PCDHGB6: variants seen among roughly 807,000 people sequenced by gnomAD.
PCDHGB6 encodes protocadherin gamma-B6.
Under a neutral mutation model 59.1 loss-of-function variants are expected in PCDHGB6, and 51 were observed. The ratio of observed to expected loss-of-function variants is 0.86; its 90% CI spans 0.69 to 1.09. The LOEUF (loss-of-function observed/expected upper bound fraction) is 1.09, where lower values mean the gene tolerates loss of function less well. PCDHGB6 is among the 50% of genes least tolerant of loss of function. The probability of loss-of-function intolerance (pLI) is 0.00; values close to 1 mark genes in which losing one functional copy is unlikely to be tolerated. For missense variants in PCDHGB6, 1,148 were observed against 1,205.1 expected, an observed-to-expected ratio of 0.95 and a Z score of 0.70; for synonymous variants, 466 against 495.1, an observed-to-expected ratio of 0.94 and a Z score of 0.78.
rs1272694679 is a variant in PCDHGB6, at chr5:141,486,884, C to T, written c.2419-7923C>T. 7 of 1,614,106 alleles carry T rather than the reference C, an allele frequency of 4.3e-6. No individual in the cohort carries two copies. The highest frequency in any genetic ancestry group is 1.1e-5 in the South Asian group (1 of 91,082). ...TCCAGCTGTGCTCCGTCCTCGGGCC[C>T]GGCCTGGTTCCTTATGTCCCCAAGC... On this transcript the variant is annotated intron_variant, in intron 1 of 3. Coordinates refer to ENST00000520790, the MANE Select transcript of PCDHGB6 (RefSeq NM_018926.3). The surrounding 1 kb of genome is among the most constrained non-coding windows in gnomAD (Gnocchi z 5.0).
Position 141,410,110 on chromosome 5 carries a change from C to T in PCDHGB6, c.1908C>T (p.Asp636=). Residue 636 remains aspartate (D), a synonymous_variant, in exon 1 of 4, where the codon GAC becomes GAT. Transcript: ENST00000520790. ...VRTARALGDR[D]AARQRLLVAV... Reference sequence around the variant, plus strand: ...CGGCTCGAGCCTTAGGCGACAGGGACGCAGCCCGCCAGCGCCTGCTGGTCG... The same window carrying T: ...CGGCTCGAGCCTTAGGCGACAGGGATGCAGCCCGCCAGCGCCTGCTGGTCG... The T allele has an allele frequency of 2.5e-6, 4 of 1,612,540 alleles. No homozygotes were observed. Among genetic ancestry groups the T allele is most frequent in the Non-Finnish European group, 3.4e-6 (4 of 1,179,620 alleles).
chr5:141,498,994 AAGG>A (rs1310594976), intron 2 of PCDHGB6, among the ~76,000 whole-genome samples: 4 of 148,560 alleles, frequency 2.7e-5, no homozygotes, highest in Non-Finnish European at 4.5e-5. Flanking sequence ...GGAAGGAAGG[AAGG>A]AAGGAAGGAA....
At chr5:141,413,329 A>G (rs762420040) in intron 1 of PCDHGB6, 1 of 1,613,966 alleles carries the variant, frequency 6.2e-7, no homozygotes, top group Non-Finnish European at 8.5e-7. Context: ...CGTGGGCAAC[A>G]TCTCCAAGGA....
At position 141,493,157 on chromosome 5, in the gene PCDHGB6, T is replaced by C. The variant is rs1261889479; in HGVS notation, c.2419-1650T>C. ...TTGAAACACCCCCAGGTGATTTTGATAGCTGATTGAGAGAAACTTACTATA... is the reference window on the plus strand; with the variant it reads ...TTGAAACACCCCCAGGTGATTTTGACAGCTGATTGAGAGAAACTTACTATA... On this transcript the variant is annotated intron_variant, in intron 1 of 3. Coordinates refer to ENST00000520790, the MANE Select transcript of PCDHGB6 (RefSeq NM_018926.3). This position sits in a 1 kb window ranked among gnomAD's most constrained non-coding sequence, Gnocchi z 4.3. 2.0e-5 allele frequency among the ~76,000 whole-genome samples: 3 copies of C among 152,224 alleles called. No individual in the cohort carries two copies. Among genetic ancestry groups the C allele is most frequent in the Admixed American group, 6.5e-5 (1 of 15,286 alleles).
At chr5:141,428,613 C>T (rs1247239314) in intron 1 of PCDHGB6, 1 of 212,608 alleles carries the variant, frequency 4.7e-6, no homozygotes, top group African/African-American at 2.3e-5. Flanking sequence ...AAGAGAATAA[C>T]AAGATAAGCT....
At chr5:141,467,060 T>C (rs1304506319) in intron 1 of PCDHGB6, among the ~76,000 whole-genome samples, 1 of 151,520 alleles carries the variant, frequency 6.6e-6, no homozygotes, top group Non-Finnish European at 1.5e-5. Context: ...GTTTTCTTTT[T>C]TTTTTTTTTT....
At chr5:141,456,635 A>G (rs558958846) in intron 1 of PCDHGB6, among the ~76,000 whole-genome samples, 17 of 152,194 alleles carry the variant, frequency 1.1e-4, no homozygotes, top group Non-Finnish European at 2.2e-4. Context: ...CTTCTTTACT[A>G]CAGGTGTTAA....
chr5:141,408,052 C>T lies in PCDHGB6; in HGVS notation c.-151C>T. On this transcript the variant is annotated 5_prime_UTR_variant, in exon 1 of 4. Transcript: ENST00000520790. ...AAGAAAACCAGCTCCCACACAGAGCCTCCCGGCTGCGCAGACCTTTCCCAG... is the reference window on the plus strand; with the variant it reads ...AAGAAAACCAGCTCCCACACAGAGCTTCCCGGCTGCGCAGACCTTTCCCAG... The T allele has an allele frequency of 7.8e-7, 1 of 1,283,102 alleles. No individual in the cohort carries two copies. The highest frequency in any genetic ancestry group is 1.0e-6 in the Non-Finnish European group (1 of 961,372). 79.5% of individuals were successfully genotyped at this position (1,283,102 alleles called of 1,614,324 possible).
intron 1 of PCDHGB6, among the ~76,000 whole-genome samples, chr5:141,449,298 T>C (rs1197693931): frequency 6.6e-6 from 1 of 152,058 alleles, no homozygotes; most frequent in Non-Finnish European, 1.5e-5. Flanking sequence ...CCGGGTGAAT[T>C]ATATGTATTA....
chr5:141,418,707 G>T (rs2096282239), intron 1 of PCDHGB6: 1 of 1,614,016 alleles, frequency 6.2e-7, no homozygotes, highest in Non-Finnish European at 8.5e-7. Context: ...TCCTTCTTTG[G>T]TGTGGCTGAC....
At position 141,477,687 on chromosome 5, in the gene PCDHGB6, C is replaced by A. The variant is rs1206813120; in HGVS notation, c.2419-17120C>A. The A allele has an allele frequency of 5.6e-6, 9 of 1,614,022 alleles. No homozygotes were observed. The highest frequency in any genetic ancestry group is 7.6e-6 in the Non-Finnish European group (9 of 1,180,040). ...AATGGCATAGTGTCATCCTTAGTGC[C>A]CCTAGACTATGAGGATCGGCGGGAA... On this transcript the variant is annotated intron_variant, in intron 1 of 3. Coordinates refer to ENST00000520790, the MANE Select transcript of PCDHGB6 (RefSeq NM_018926.3). This position sits in a 1 kb window ranked among gnomAD's most constrained non-coding sequence, Gnocchi z 4.9.
chr5:141,422,928 C>T lies in PCDHGB6; in HGVS notation c.2418+12308C>T, dbSNP rs781145334. 4 of 1,614,128 alleles carry T rather than the reference C, an allele frequency of 2.5e-6. No individual in the cohort carries two copies. In the African/African-American group the frequency reaches 4.0e-5, roughly 16 times the overall value. On this transcript the variant is annotated intron_variant, in intron 1 of 3. Transcript: ENST00000520790. ...ATGCGCCCGAGATCCTGTACCCTGC[C>T]CTCCCCACAGACGGCTCCACTGGCG...
At position 141,477,938 on chromosome 5, in the gene PCDHGB6, T is replaced by C. The variant is rs1441443411; in HGVS notation, c.2419-16869T>C. The stretch of plus-strand genomic sequence containing the variant: ...TGCAGGGCACAATGCCTGGCTCTCC[T>C]ACAGTCTCTTGGGATCCCCTAACCA... On this transcript the variant is annotated intron_variant, in intron 1 of 3. Transcript: ENST00000520790. The surrounding 1 kb of genome is among the most constrained non-coding windows in gnomAD (Gnocchi z 4.9). The C allele has an allele frequency of 3.1e-6, 5 of 1,614,036 alleles. No homozygotes were observed. The highest frequency in any genetic ancestry group is 4.2e-6 in the Non-Finnish European group (5 of 1,180,030).
chr5:141,479,469 C>T lies in PCDHGB6; in HGVS notation c.2419-15338C>T, dbSNP rs1218436564. 8 of 152,344 alleles carry T rather than the reference C, an allele frequency of 5.3e-5. No homozygotes were observed. In the East Asian group the frequency reaches 1.5e-3, roughly 29 times the overall value. 9.4% of individuals were successfully genotyped at this position (152,344 alleles called of 1,614,324 possible). On this transcript the variant is annotated intron_variant, in intron 1 of 3. Transcript: ENST00000520790. ...AAGTTCAGCATGAATACAGTGACCT[C>T]TTGGGAGGGCAGGACCATCAGGTTG...
chr5:141,431,901 A>G lies in PCDHGB6; in HGVS notation c.2418+21281A>G, dbSNP rs1373642371. 5.0e-6 allele frequency: 8 copies of G among 1,613,872 alleles called. No homozygotes were observed. The highest frequency in any genetic ancestry group is 1.6e-4 in the Middle Eastern group (1 of 6,062). On this transcript the variant is annotated intron_variant, in intron 1 of 3. Coordinates refer to ENST00000520790, the MANE Select transcript of PCDHGB6 (RefSeq NM_018926.3). This position sits in a 1 kb window ranked among gnomAD's most constrained non-coding sequence, Gnocchi z 4.8. Reference sequence around the variant, plus strand: ...GACCAAGATTCTGAGGAAAACGGACAGGTGATCTGTTTCATCCAAGGAAAT... The same window carrying G: ...GACCAAGATTCTGAGGAAAACGGACGGGTGATCTGTTTCATCCAAGGAAAT...
intron 1 of PCDHGB6, chr5:141,415,098 G>T (rs578221269): frequency 1.9e-5 from 31 of 1,613,588 alleles, no homozygotes; most frequent in African/African-American, 1.7e-4. Flanking sequence ...ACAGAGACGC[G>T]CTCAAGCAAA....
chr5:141,421,593 G>A lies in PCDHGB6; in HGVS notation c.2418+10973G>A, dbSNP rs780085355. ...CCTTGAAGATTTACGGAGTGGAGGTGGAAATAATAGATATTAATGATAACG... is the reference window on the plus strand; with the variant it reads ...CCTTGAAGATTTACGGAGTGGAGGTAGAAATAATAGATATTAATGATAACG... On this transcript the variant is annotated intron_variant, in intron 1 of 3. Coordinates refer to ENST00000520790, the MANE Select transcript of PCDHGB6 (RefSeq NM_018926.3). 6 of 1,613,840 alleles carry A rather than the reference G, an allele frequency of 3.7e-6. No individual in the cohort carries two copies. In the East Asian group the frequency reaches 1.1e-4, roughly 30 times the overall value.
At position 141,486,001 on chromosome 5, in the gene PCDHGB6, C is replaced by G. The variant is rs771993915; in HGVS notation, c.2419-8806C>G. 6.2e-7 allele frequency: 1 copy of G among 1,614,194 alleles called. No homozygotes were observed. Among genetic ancestry groups the G allele is most frequent in the Non-Finnish European group, 8.5e-7 (1 of 1,180,024 alleles). On this transcript the variant is annotated intron_variant, in intron 1 of 3. Transcript: ENST00000520790. The surrounding 1 kb of genome is among the most constrained non-coding windows in gnomAD (Gnocchi z 5.0). ...ACCCGGACCTGGGTCCCAGTGGTAACGTCACCTTTTATTTCAGTGGTCATA... is the reference window on the plus strand; with the variant it reads ...ACCCGGACCTGGGTCCCAGTGGTAAGGTCACCTTTTATTTCAGTGGTCATA...
chr5:141,485,279 C>T lies in PCDHGB6; in HGVS notation c.2419-9528C>T. 1 of 1,614,108 alleles carries T rather than the reference C, an allele frequency of 6.2e-7. No individual in the cohort carries two copies. Among genetic ancestry groups the T allele is most frequent in the Non-Finnish European group, 8.5e-7 (1 of 1,179,966 alleles). ...TTGTGGGCAGATCCGCTACCCGGTC[C>T]CAGAGGAGTCACAGGAAGGGACTTT... On this transcript the variant is annotated intron_variant, in intron 1 of 3. Transcript: ENST00000520790. The surrounding 1 kb of genome is among the most constrained non-coding windows in gnomAD (Gnocchi z 5.7).
Sources: gnomAD v4.1 joint callset for allele counts (sites outside exome capture counted in the v4.1 genomes callset) on GRCh38, gnomAD v4.1.1 for gene constraint, Gnocchi (gnomAD v3.1) non-coding constraint, MANE v1.5 for transcripts, NCBI Gene and HGNC (gene_info 2026-07-23, HGNC 2026-07-21) for gene names.